PCDHGA1: variants seen among roughly 807,000 people sequenced by gnomAD.
PCDHGA1 encodes protocadherin gamma-A1.
Under a neutral mutation model 58.0 loss-of-function variants are expected in PCDHGA1, and 32 were observed. The ratio of observed to expected loss-of-function variants is 0.55; its 90% CI spans 0.42 to 0.74. PCDHGA1 has a LOEUF of 0.74. PCDHGA1 is among the 30% of genes least tolerant of loss of function. The pLI is 0.00. For missense variants in PCDHGA1, 1,205 were observed against 1,182.3 expected (o/e 1.02, Z -0.28); for synonymous variants, 498 against 501.1 (o/e 0.99, Z 0.08).
intron 1 of PCDHGA1, among the ~76,000 whole-genome samples, chr5:141,337,434 T>C (rs1225409602): frequency 6.6e-6 from 1 of 152,230 alleles, no homozygotes; most frequent in Non-Finnish European, 1.5e-5. Flanking sequence ...GGGCTGTTAT[T>C]TAGCCTTAAA....
At chr5:141,424,055 C>T (rs2096796946) in intron 1 of PCDHGA1, 1 of 1,007,784 alleles carries the variant, frequency 9.9e-7, no homozygotes. Flanking sequence ...TTTTGCTGTG[C>T]CTTCACTGAT....
At chr5:141,346,338 A>G (rs764697085) in intron 1 of PCDHGA1, 1 of 1,613,950 alleles carries the variant, frequency 6.2e-7, no homozygotes, top group South Asian at 1.1e-5. Context: ...GAGCCACCTG[A>G]TTTTCCCCCA....
rs1446432461 is a variant in PCDHGA1, at chr5:141,511,005, C to G, written c.2628C>G (p.Ala876=). 6.2e-7 allele frequency: 1 copy of G among 1,614,176 alleles called. No individual in the cohort carries two copies. Among genetic ancestry groups the G allele is most frequent in the Middle Eastern group, 1.6e-4 (1 of 6,062 alleles). ...GGGAGTMGLS[A]RYGPQFTLQH... is the part of the protein sequence containing the mutation. ...GTGCCGGCACCATGGGATTGAGCGC[C>G]CGCTACGGACCCCAGTTCACCCTGC... Residue 876 remains alanine, a synonymous_variant, in exon 4 of 4, where the codon GCC becomes GCG. Coordinates refer to ENST00000517417, the MANE Select transcript of PCDHGA1 (RefSeq NM_018912.3).
chr5:141,395,427 T>A, intron 1 of PCDHGA1: 2 of 722,004 alleles, frequency 2.8e-6, no homozygotes, highest in Non-Finnish European at 4.3e-6. Flanking sequence ...CATTTGCTTT[T>A]AAACGACTTG....
chr5:141,350,168 A>T, intron 1 of PCDHGA1: 1 of 1,183,752 alleles, frequency 8.4e-7, no homozygotes, highest in Non-Finnish European at 1.1e-6. Context: ...CCTAACTAAT[A>T]AGTCCTAAGC....
At chr5:141,370,963 G>T (rs1281017777) in intron 1 of PCDHGA1, 1 of 1,614,018 alleles carries the variant, frequency 6.2e-7, no homozygotes, top group Non-Finnish European at 8.5e-7. Context: ...GATGGCAGTA[G>T]GTACCCAGAG....
At chr5:141,423,510 TGCGGACTC>T in intron 1 of PCDHGA1, 1 of 1,613,792 alleles carries the variant, frequency 6.2e-7, no homozygotes, top group South Asian at 1.1e-5. Context: ...TCTCTCTCAT[TGCGGACTC>T]GCAGAAGAGT....
intron 1 of PCDHGA1, chr5:141,419,981 AT>A (rs1205154474): frequency 1.2e-6 from 2 of 1,614,052 alleles, no homozygotes; most frequent in Admixed American, 3.3e-5. Flanking sequence ...CCTCGCGGTG[AT>A]TCTAGCTATT....
chr5:141,506,737 C>T (rs893758261), intron 3 of PCDHGA1, among the ~76,000 whole-genome samples: 5 of 152,076 alleles, frequency 3.3e-5, no homozygotes, highest in African/African-American at 1.2e-4. Flanking sequence ...AGAATAATGC[C>T]TATTAATAAA....
intron 1 of PCDHGA1, chr5:141,356,869 GA>G: frequency 6.2e-7 from 1 of 1,614,182 alleles, no homozygotes; most frequent in Non-Finnish European, 8.5e-7. Context: ...GGACCAGAAC[GA>G]CAATGTCCCT....
chr5:141,475,628 C>T (rs2099366226), intron 1 of PCDHGA1, among the ~76,000 whole-genome samples: 1 of 152,116 alleles, frequency 6.6e-6, no homozygotes. Context: ...TTGGTTCGAT[C>T]CCCTTTCTTG....
At chr5:141,448,150 C>T (rs1182411283) in intron 1 of PCDHGA1, among the ~76,000 whole-genome samples, 4 of 151,924 alleles carry the variant, frequency 2.6e-5, no homozygotes, top group Non-Finnish European at 5.9e-5. Flanking sequence ...CTCAGACTCA[C>T]CCCTGAAAGA....
chr5:141,488,672 G>A (rs1012955473), intron 1 of PCDHGA1, among the ~76,000 whole-genome samples: 20 of 152,208 alleles, frequency 1.3e-4, no homozygotes, highest in African/African-American at 4.8e-4. Context: ...GAATACATGG[G>A]CTTTGCCTCT....
At chr5:141,350,478 A>G (rs527554810) in intron 1 of PCDHGA1, 5 of 1,613,892 alleles carry the variant, frequency 3.1e-6, no homozygotes, top group Non-Finnish European at 4.2e-6. Flanking sequence ...GATTATTTCA[A>G]CGTTAGTTTG....
At chr5:141,403,873 A>G in intron 1 of PCDHGA1, 1 of 1,613,840 alleles carries the variant, frequency 6.2e-7, no homozygotes, top group Non-Finnish European at 8.5e-7. Flanking sequence ...CAAAAAGTCT[A>G]GATTATGAAG....
At chr5:141,356,321 G>A (rs1482205004) in intron 1 of PCDHGA1, 4 of 1,554,266 alleles carry the variant, frequency 2.6e-6, no homozygotes, top group Non-Finnish European at 3.5e-6. Flanking sequence ...GTGCATGACA[G>A]TGACTCAGGA....
chr5:141,501,141 A>G (rs940603527), intron 2 of PCDHGA1, among the ~76,000 whole-genome samples: 8 of 152,184 alleles, frequency 5.3e-5, no homozygotes, highest in Admixed American at 5.2e-4. Context: ...TGCTGGGATT[A>G]CAGGTGGGAG....
chr5:141,350,479 C>T (rs376831132), intron 1 of PCDHGA1: 1 of 1,613,916 alleles, frequency 6.2e-7, no homozygotes, highest in Non-Finnish European at 8.5e-7. Flanking sequence ...ATTATTTCAA[C>T]GTTAGTTTGG....
chr5:141,389,644 C>T (rs2091854728), intron 1 of PCDHGA1: 1 of 1,612,926 alleles, frequency 6.2e-7, no homozygotes, highest in Admixed American at 1.7e-5. Context: ...TACTTGGTGA[C>T]CAAGGTAGTG....
Sources: allele counts gnomAD v4.1 joint callset (sites outside exome capture counted in the v4.1 genomes callset), GRCh38; gene constraint gnomAD v4.1.1; transcripts MANE v1.5; gene names NCBI Gene and HGNC (gene_info 2026-07-23, HGNC 2026-07-21).